ZNF772: variants seen among roughly 807,000 people sequenced by gnomAD.
The protein encoded by ZNF772 is zinc finger protein 772.
ZNF772 carries 8 observed loss-of-function variants against 11.0 expected under a neutral mutation model. That is an observed-to-expected ratio of 0.73 (90% CI 0.43 to 1.31). The LOEUF (loss-of-function observed/expected upper bound fraction) is 1.31, where lower values mean the gene tolerates loss of function less well. Ranked by LOEUF, ZNF772 falls within the 50% of genes most tolerant of loss-of-function variation. The pLI is 0.01. For missense variants in ZNF772, 496 were observed against 552.3 expected (o/e 0.90, Z 1.02); for synonymous variants, 155 against 180.4 (o/e 0.86, Z 1.13).
intron 3 of ZNF772, 64 bp from the exon 4 acceptor site, chr19:57,474,485 A>C: frequency 6.7e-7 from 1 of 1,502,384 alleles, no homozygotes. Context: ...AAGCCTCACT[A>C]CAAATATGTG....
chr19:57,473,145 TC>T lies in ZNF772; in HGVS notation c.*128del. ...CATATAGCTGGCACTCGGAAGAACC[TC>T]CCCAGGGTGAGTGTTTGAGTGTATA... On this transcript the variant is annotated 3_prime_UTR_variant, in exon 4 of 4. Transcript: ENST00000356584. 1 of 909,342 alleles carries T rather than the reference TC, an allele frequency of 1.1e-6. No homozygotes were observed. Among genetic ancestry groups the T allele is most frequent in the Non-Finnish European group, 1.6e-6 (1 of 618,922 alleles). 56.3% of individuals were successfully genotyped at this position (909,342 alleles called of 1,614,324 possible).
Position 57,470,362 on chromosome 19 carries a change from C to CA in ZNF772, c.*2911dup, listed in dbSNP as rs749601369. On this transcript the variant is annotated 3_prime_UTR_variant, in exon 4 of 4. Coordinates refer to ENST00000356584, the MANE Select transcript of ZNF772 (RefSeq NM_001144068.2). ...TGGATGACAGAGCAAGACACTGTCTCAAAAAAAAAAATGAAACCACATCAA... is the reference window on the plus strand; with the variant it reads ...TGGATGACAGAGCAAGACACTGTCTCAAAAAAAAAAAATGAAACCACATCAA... 0.024 allele frequency: 3,305 copies of CA among 139,218 alleles called. 40 individuals are homozygous for CA. Among genetic ancestry groups the CA allele is most frequent in the Non-Finnish European group, 0.037 (2,385 of 64,128 alleles). 8.6% of individuals were successfully genotyped at this position (139,218 alleles called of 1,614,324 possible). A position where few individuals can be genotyped will look rare whatever the true frequency, so the allele number is the denominator to read the frequency against.
intron 3 of ZNF772, 29 bp from the exon 4 acceptor site, chr19:57,474,450 C>T: frequency 6.3e-7 from 1 of 1,580,932 alleles, no homozygotes; most frequent in Admixed American, 1.7e-5. Context: ...TGGTGAAGTA[C>T]AAATTGACAC....
chr19:57,477,250 G>T lies in ZNF772; in HGVS notation c.33+27C>A, dbSNP rs906555479. The T allele has an allele frequency of 3.7e-6, 6 of 1,613,028 alleles. No individual in the cohort carries two copies. In the East Asian group the frequency reaches 1.3e-4, roughly 36 times the overall value. On this transcript the variant is annotated intron_variant, in intron 1 of 3. Coordinates refer to ENST00000356584, the MANE Select transcript of ZNF772 (RefSeq NM_001144068.2). ...TTGGGATTCAGAGATGGGGGTCAGC[G>T]CGCAGACTCGCAGACGCAGCACCCA...
rs769318358 is a variant in ZNF772 at position 57,473,613 on chromosome 19, T to C, written c.1008A>G (p.Pro336=). 1.9e-6 allele frequency: 3 copies of C among 1,613,956 alleles called. No homozygotes were observed. Among genetic ancestry groups the C allele is most frequent in the Middle Eastern group, 3.3e-4 (2 of 6,062 alleles). Residue 336 remains proline, a synonymous_variant, in exon 4 of 4, where the codon CCA becomes CCG. Transcript: ENST00000356584. The stretch of plus-strand genomic sequence containing the variant: ...ATTTTCCACATTCGCTGCACTCATA[T>C]GGCCTTTCTCCAGTATGGATACTCT... ...QHESIHTGER[P]YECSECGKYF...
chr19:57,476,704 G>A (rs1263840122), intron 1 of ZNF772, 32 bp from the exon 2 acceptor site: 1 of 1,557,946 alleles, frequency 6.4e-7, no homozygotes, highest in East Asian at 2.3e-5. Flanking sequence ...TGCGAGTCAA[G>A]CAATCTTGAA....
In ZNF772 at chr19:57,475,757, C is replaced by A. The variant is rs370551580; in HGVS notation, c.102G>T (p.Val34=). Residue 34 remains valine, a synonymous_variant, in exon 3 of 4, where the codon GTG becomes GTT. Coordinates refer to ENST00000356584, the MANE Select transcript of ZNF772 (RefSeq NM_001144068.2). The surrounding 1 kb of genome is among the most constrained non-coding windows in gnomAD (Gnocchi z 4.2). The stretch of plus-strand genomic sequence containing the variant: ...GCACCCACTCCTCCTGGGAGAAGTA[C>A]ACGAACACGTCCTCAAAGTTCACCT... ...QGQVNFEDVF[V]YFSQEEWVLL... 2 of 1,610,656 alleles carry A rather than the reference C, an allele frequency of 1.2e-6. No individual in the cohort carries two copies. Among genetic ancestry groups the A allele is most frequent in the South Asian group, 2.2e-5 (2 of 90,706 alleles).
intron 3 of ZNF772, chr19:57,474,981 G>A (rs1186615172): frequency 6.2e-7 from 1 of 1,613,030 alleles, no homozygotes; most frequent in Admixed American, 1.7e-5. Context: ...GGAATGATAT[G>A]AACCCAGCCC....
In ZNF772 at chr19:57,473,351, T is replaced by C; in HGVS notation, c.1270A>G (p.Ser424Gly). ...TGCCTGAAGGCCTTCCCACATTCACTGCACTTATATGGCCTTTCTCCAGTG... is the reference window on the plus strand; with the variant it reads ...TGCCTGAAGGCCTTCCCACATTCACCGCACTTATATGGCCTTTCTCCAGTG... ...IHTGERPYKC[S>G]ECGKAFRQRA... is the part of the protein sequence containing the mutation. The change falls in exon 4 of 4, where the codon AGT (serine) becomes GGT (glycine). Residue 424 changes from serine (S) to glycine (G), a missense_variant. By Grantham distance (56) the Ser-to-Gly change is moderately conservative (BLOSUM62 0). Coordinates refer to ENST00000356584, the MANE Select transcript of ZNF772 (RefSeq NM_001144068.2). 1 of 1,614,210 alleles carries C rather than the reference T, an allele frequency of 6.2e-7. No individual in the cohort carries two copies. Among genetic ancestry groups the C allele is most frequent in the East Asian group, 2.2e-5 (1 of 44,870 alleles).
rs192360563 is a variant in ZNF772 at position 57,473,434 on chromosome 19, C to T, written c.1187G>A (p.Ser396Asn). The change falls in exon 4 of 4, where the codon AGT becomes AAT. Residue 396 changes from serine (S) to asparagine (N), a missense_variant. Physicochemically the swap from Ser to Asn is conservative, Grantham distance 46. Coordinates refer to ENST00000356584, the MANE Select transcript of ZNF772 (RefSeq NM_001144068.2). ...GTGGCTAAAGGCTTTTCCACATTCA[C>T]TGCACACATAAGGCTTTTCACCATT... Reference protein sequence around the residue: ...VHNGEKPYVCSECGKAFSHKH... With the variant: ...VHNGEKPYVCNECGKAFSHKH... 2.0e-5 allele frequency: 33 copies of T among 1,614,170 alleles called. No homozygotes were observed. The East Asian group carries it at 6.5e-4, about 32-fold the overall frequency.
In ZNF772 at chr19:57,475,879, T is replaced by G; in HGVS notation, c.73-93A>C. 6.7e-7 allele frequency: 1 copy of G among 1,487,732 alleles called. No homozygotes were observed. 92.2% of individuals were successfully genotyped at this position (1,487,732 alleles called of 1,614,324 possible). A position where few individuals can be genotyped will look rare whatever the true frequency, so the allele number is the denominator to read the frequency against. On this transcript the variant is annotated intron_variant, in intron 2 of 3. Transcript: ENST00000356584. This position sits in a 1 kb window ranked among gnomAD's most constrained non-coding sequence, Gnocchi z 4.2. ...CACATCTCCCTCCTGTACACCCTCC[T>G]ACCTAACTCCTCAACTCAGGAAATA...
rs77164240 is a variant in ZNF772 at position 57,477,298 on chromosome 19, A to T, written c.12T>A (p.Ala4=). 2.5e-6 allele frequency: 4 copies of T among 1,612,664 alleles called. No homozygotes were observed. Among genetic ancestry groups the T allele is most frequent in the African/African-American group, 1.3e-5 (1 of 74,888 alleles). The part of the protein sequence containing the change: MAA[A]EPMGPAQVPM... ...CCACCTGTGCCGGGCCCATCGGCTCAGCCGCCGCCATCAGGCCTGTGGACT... is the reference window on the plus strand; with the variant it reads ...CCACCTGTGCCGGGCCCATCGGCTCTGCCGCCGCCATCAGGCCTGTGGACT... Residue 4 remains alanine, a synonymous_variant, in exon 1 of 4, where the codon GCT becomes GCA. Transcript: ENST00000356584.
At chr19:57,477,234 A>G (rs778866622) in intron 1 of ZNF772, 43 bp downstream of exon 1, 1 of 1,612,620 alleles carries the variant, frequency 6.2e-7, no homozygotes, top group Admixed American at 1.7e-5. Context: ...TTTGGGATTC[A>G]GAGATGGGGG....
chr19:57,477,401 G>A lies in ZNF772; in HGVS notation c.-92C>T, dbSNP rs2089297667. 1.5e-5 allele frequency: 22 copies of A among 1,448,138 alleles called. No homozygotes were observed. The highest frequency in any genetic ancestry group is 2.1e-5 in the Non-Finnish European group (22 of 1,043,000). The allele number at this position is 1,448,138 out of a possible 1,614,324, so 89.7% of individuals were successfully genotyped here. On this transcript the variant is annotated 5_prime_UTR_variant, in exon 1 of 4. Transcript: ENST00000356584. ...GCCCAGCGGCTAGGTCACTCAGGCA[G>A]CGCCACTGTCAAGCCTCAGGCCCAC...
chr19:57,475,852 C>G lies in ZNF772; in HGVS notation c.73-66G>C, dbSNP rs1030266680. The G allele has an allele frequency of 1.3e-6, 2 of 1,543,268 alleles. No individual in the cohort carries two copies. The highest frequency in any genetic ancestry group is 2.3e-5 in the East Asian group (1 of 44,200). ...TCCCAAGAACCCCCATCCGTGCCCC[C>G]ACACATCTCCCTCCTGTACACCCTC... On this transcript the variant is annotated intron_variant, in intron 2 of 3. Transcript: ENST00000356584. This position sits in a 1 kb window ranked among gnomAD's most constrained non-coding sequence, Gnocchi z 4.2.
rs1568559254 is a variant in ZNF772 at position 57,475,259 on chromosome 19, T to G, written c.199+401A>C. The G allele has an allele frequency of 9.8e-6, 13 of 1,328,740 alleles. No homozygotes were observed. Among genetic ancestry groups the G allele is most frequent in the South Asian group, 1.4e-5 (1 of 72,432 alleles). 82.3% of individuals were successfully genotyped at this position (1,328,740 alleles called of 1,614,324 possible). On this transcript the variant is annotated intron_variant, in intron 3 of 3. Coordinates refer to ENST00000356584, the MANE Select transcript of ZNF772 (RefSeq NM_001144068.2). This position sits in a 1 kb window ranked among gnomAD's most constrained non-coding sequence, Gnocchi z 4.2. The stretch of plus-strand genomic sequence containing the variant: ...GGAATAGTGCAGTGGTCCTAGCAAG[T>G]AGCGACCATAATGGTCCCTACAATT...
In ZNF772 at chr19:57,477,491, G is replaced by A. The variant is rs2089298832; in HGVS notation, c.-182C>T. 8.6e-6 allele frequency: 5 copies of A among 583,808 alleles called. No individual in the cohort carries two copies. The highest frequency in any genetic ancestry group is 4.9e-5 in the South Asian group (2 of 40,708). 36.2% of individuals were successfully genotyped at this position (583,808 alleles called of 1,614,324 possible). On this transcript the variant is annotated 5_prime_UTR_variant, in exon 1 of 4. Coordinates refer to ENST00000356584, the MANE Select transcript of ZNF772 (RefSeq NM_001144068.2). The stretch of plus-strand genomic sequence containing the variant: ...TTTCTGTCACCTCAGGTCTGACATT[G>A]CGTTCTGGAAACTAAACCAGTGGAT...
At chr19:57,477,153 C>T in intron 1 of ZNF772, 124 bp downstream of exon 1, 2 of 1,341,314 alleles carry the variant, frequency 1.5e-6, no homozygotes, top group South Asian at 1.4e-5. Context: ...GGGTCCCAAA[C>T]ACGAGCGCCC....
rs1456403352 is a variant in ZNF772 at position 57,471,219 on chromosome 19, A to G, written c.*2055T>C. The G allele has an allele frequency of 1.3e-5, 2 of 152,222 alleles. No individual in the cohort carries two copies. Among genetic ancestry groups the G allele is most frequent in the Non-Finnish European group, 2.9e-5 (2 of 68,046 alleles). 9.4% of individuals were successfully genotyped at this position (152,222 alleles called of 1,614,324 possible). A position where few individuals can be genotyped will look rare whatever the true frequency, so the allele number is the denominator to read the frequency against. ...AAAGCTGGCATTATGCTGATACCAA[A>G]GCCAAACCTGGGCAAGATATAAAAT... On this transcript the variant is annotated 3_prime_UTR_variant, in exon 4 of 4. Transcript: ENST00000356584.
Sources: gnomAD v4.1 joint callset for allele counts on GRCh38, gnomAD v4.1.1 for gene constraint, Gnocchi (gnomAD v3.1) non-coding constraint, MANE v1.5 for transcripts, NCBI Gene and HGNC (gene_info 2026-07-23, HGNC 2026-07-21) for gene names.